Variants in GALC observed in about 807,000 individuals in gnomAD.
The protein encoded by GALC is galactosylceramidase.
GALC carries 77 observed loss-of-function variants against 91.8 expected under a neutral mutation model. The observed-to-expected ratio is 0.84, with a 90% CI of 0.70 to 1.01. GALC has a LOEUF of 1.01. Ranked by LOEUF, GALC falls within the 50% of genes least tolerant of loss-of-function variation. The pLI is 0.00. For missense variants in GALC, 882 were observed against 855.9 expected, an observed-to-expected ratio of 1.03 and a Z score of -0.38; for synonymous variants, 357 against 306.7, an observed-to-expected ratio of 1.16 and a Z score of -1.71.
chr14:87,986,186 T>C (rs1886961393), intron 4 of GALC, among the ~76,000 whole-genome samples: 1 of 152,170 alleles, frequency 6.6e-6, no homozygotes, highest in African/African-American at 2.4e-5. Flanking sequence ...TAACACCGAT[T>C]TTGCCATTTA....
In GALC at chr14:87,982,181, A is replaced by G. The variant is rs45568734; in HGVS notation, c.621+24T>C. The G allele has an allele frequency of 0.13, 181,305 of 1,356,700 alleles. 13,404 individuals carry two copies. Among genetic ancestry groups the G allele is most frequent in the Middle Eastern group, 0.16 (896 of 5,584 alleles). 84.0% of individuals were successfully genotyped at this position (1,356,700 alleles called of 1,614,324 possible). A position where few individuals can be genotyped will look rare whatever the true frequency, so the allele number is the denominator to read the frequency against. The stretch of plus-strand genomic sequence containing the variant: ...ATTATTCACTAAAAAGTTAAAAACA[A>G]AAAGATACTAAAGTTGTACACACCT... On this transcript the variant is annotated intron_variant, in intron 6 of 16. Coordinates refer to ENST00000261304, the MANE Select transcript of GALC (RefSeq NM_000153.4).
At chr14:87,964,295 G>A (rs1885939127) in intron 9 of GALC, among the ~76,000 whole-genome samples, 1 of 151,962 alleles carries the variant, frequency 6.6e-6, no homozygotes, top group Admixed American at 6.6e-5. Flanking sequence ...TCTGTCTTAG[G>A]AGAGCACAAC....
chr14:87,988,628 GC>G, intron 1 of GALC, 105 bp from the exon 2 acceptor site: 1 of 854,572 alleles, frequency 1.2e-6, no homozygotes, highest in Admixed American at 1.8e-5. Flanking sequence ...TTAGCCTCAG[GC>G]AAGGTCAGGC....
chr14:87,992,045 T>C (rs1289257195), intron 1 of GALC, among the ~76,000 whole-genome samples: 2 of 152,038 alleles, frequency 1.3e-5, no homozygotes, highest in African/African-American at 4.8e-5. Flanking sequence ...AATTAGGGAA[T>C]GAAAACATAA....
chr14:87,983,106 G>A (rs1394129860), intron 5 of GALC, among the ~76,000 whole-genome samples: 2 of 152,036 alleles, frequency 1.3e-5, no homozygotes, highest in Non-Finnish European at 2.9e-5. Context: ...TTGGGAGGCC[G>A]AGGCGGGCGG....
At chr14:87,973,692 A>G (rs1016898964) in intron 7 of GALC, among the ~76,000 whole-genome samples, 1 of 152,214 alleles carries the variant, frequency 6.6e-6, no homozygotes, top group Non-Finnish European at 1.5e-5. Flanking sequence ...AGAAACCAAG[A>G]GTATTAGTAT....
At chr14:87,966,447 A>G (rs1886057923) in intron 8 of GALC, among the ~76,000 whole-genome samples, 2 of 152,160 alleles carry the variant, frequency 1.3e-5, no homozygotes, top group Non-Finnish European at 2.9e-5. Context: ...ACAGATTAAA[A>G]AAAACAAAGC....
In GALC at chr14:87,939,856, G is replaced by T. The variant is rs765328990; in HGVS notation, c.1911+49C>A. The T allele has an allele frequency of 1.0e-5, 12 of 1,200,112 alleles. No individual in the cohort carries two copies. In the Admixed American group the frequency reaches 1.5e-4, roughly 15 times the overall value. The allele number at this position is 1,200,112 out of a possible 1,614,324, so 74.3% of individuals were successfully genotyped here. A position where few individuals can be genotyped will look rare whatever the true frequency, so the allele number is the denominator to read the frequency against. On this transcript the variant is annotated intron_variant, in intron 16 of 16. Coordinates refer to ENST00000261304, the MANE Select transcript of GALC (RefSeq NM_000153.4). The stretch of plus-strand genomic sequence containing the variant: ...TTTTATAACAGAAAATTATAGAAAT[G>T]CACAACAAAAGAGCATTTTACCTCC...
intron 10 of GALC, among the ~76,000 whole-genome samples, chr14:87,955,457 A>G (rs1396352367): frequency 1.3e-5 from 2 of 152,046 alleles, no homozygotes; most frequent in Non-Finnish European, 2.9e-5. Context: ...CCTGGGAATT[A>G]AAGGTTTGCC....
intron 14 of GALC, among the ~76,000 whole-genome samples, chr14:87,944,691 A>C (rs1884993844): frequency 6.6e-6 from 1 of 152,032 alleles, no homozygotes; most frequent in Non-Finnish European, 1.5e-5. Context: ...GCTTGGGACT[A>C]GAATCAGGAT....
intron 9 of GALC, 89 bp from the exon 10 acceptor site, chr14:87,963,600 A>C: frequency 9.0e-7 from 1 of 1,106,584 alleles, no homozygotes; most frequent in Non-Finnish European, 1.3e-6. Flanking sequence ...TATCAATTTG[A>C]GTCTGATTCA....
At chr14:87,959,811 G>A (rs1364627325) in intron 10 of GALC, 4 of 151,604 alleles carry the variant, frequency 2.6e-5, no homozygotes, top group Non-Finnish European at 5.9e-5. Flanking sequence ...AAATATATAT[G>A]TTAAAGAGGT....
At chr14:87,956,601 C>CACCATATATATAT (rs1566982354) in intron 10 of GALC, among the ~76,000 whole-genome samples, 78 of 127,352 alleles carry the variant, frequency 6.1e-4, no homozygotes, top group African/African-American at 2.7e-3. Context: ...TATACACACA[C>CACCATATATATAT]ACACACACAC....
intron 10 of GALC, chr14:87,952,802 C>T (rs1343470542): frequency 2.0e-5 from 29 of 1,486,142 alleles, no homozygotes; most frequent in Middle Eastern, 2.4e-4. Flanking sequence ...ATATAGAATC[C>T]CAGAAGATTC....
chr14:87,972,988 A>G (rs1183572279), intron 7 of GALC, among the ~76,000 whole-genome samples: 1 of 150,504 alleles, frequency 6.6e-6, no homozygotes, highest in African/African-American at 2.5e-5. Context: ...CTAAACTTTA[A>G]AGATGAATAA....
chr14:87,968,629 G>T, intron 7 of GALC, 139 bp from the exon 8 acceptor site: 1 of 810,886 alleles, frequency 1.2e-6, no homozygotes, highest in Non-Finnish European at 2.1e-6. Context: ...CTTCCAGGTA[G>T]ATAATGAATC....
At chr14:87,992,849 G>C (rs1887266891) in intron 1 of GALC, 121 bp downstream of exon 1, 1 of 1,404,400 alleles carries the variant, frequency 7.1e-7, no homozygotes. Context: ...GGCACCCTAG[G>C]GGAATGCGGC....
rs781281519 is a variant in GALC, at chr14:87,986,497, G to A, written c.434C>T (p.Thr145Ile). The change falls in exon 4 of 17, where the codon ACA (threonine) becomes ATA (isoleucine). Residue 145 changes from threonine to isoleucine, a missense_variant. Coordinates refer to ENST00000261304, the MANE Select transcript of GALC (RefSeq NM_000153.4). ...CAAACTTCATTTCTTACCAATGAGT[G>A]TAATATTGGGATTCCTCTTCTTAGC... ...KEAKKRNPNI[T>I]LIGLPWSFPG... The A allele has an allele frequency of 6.3e-6, 10 of 1,578,238 alleles. No homozygotes were observed. The highest frequency in any genetic ancestry group is 3.5e-6 in the Non-Finnish European group (4 of 1,147,518).
intron 7 of GALC, among the ~76,000 whole-genome samples, chr14:87,972,697 C>T (rs1886345182): frequency 6.6e-6 from 1 of 151,890 alleles, no homozygotes. Context: ...ACAGAACAGA[C>T]ACTGTGGAAA....
Sources: gnomAD v4.1 joint callset for allele counts (sites outside exome capture counted in the v4.1 genomes callset) on GRCh38, gnomAD v4.1.1 for gene constraint, MANE v1.5 for transcripts, NCBI Gene and HGNC (gene_info 2026-07-23, HGNC 2026-07-21) for gene names.